HSDL2: variants seen among roughly 807,000 people sequenced by gnomAD.
HSDL2 encodes hydroxysteroid dehydrogenase like 2, also known as hydroxysteroid dehydrogenase-like protein 2.
HSDL2 carries 27 observed loss-of-function variants against 46.3 expected under a neutral mutation model. The observed-to-expected ratio is 0.58, with a 90% CI of 0.43 to 0.80. The LOEUF (loss-of-function observed/expected upper bound fraction) is 0.80. HSDL2 is among the 30% of genes least tolerant of loss of function. The pLI, the probability that HSDL2 is intolerant of heterozygous loss-of-function variation, is 0.00. For synonymous variants in HSDL2, 153 were observed against 163.6 expected (o/e 0.94, Z 0.50); for missense variants, 451 against 502.7 (o/e 0.90, Z 0.98).
At position 112,392,675 on chromosome 9, in the gene HSDL2, T is replaced by C. The variant is rs1831371611; in HGVS notation, c.18-11320T>C. ...TGACCCCACAGGCAGTCAGACCTTATGGTTGTCTTCCCTTGTTCCCTAAAA... is the reference window on the plus strand; with the variant it reads ...TGACCCCACAGGCAGTCAGACCTTACGGTTGTCTTCCCTTGTTCCCTAAAA... On this transcript the variant is annotated intron_variant, in intron 1 of 10. Transcript: ENST00000398805. 1.3e-5 allele frequency among the ~76,000 whole-genome samples: 2 copies of C among 152,224 alleles called. 1 individual carries two copies. Among genetic ancestry groups the C allele is most frequent in the African/African-American group, 4.8e-5 (2 of 41,456 alleles).
intron 4 of HSDL2, among the ~76,000 whole-genome samples, chr9:112,412,655 A>G (rs978956813): frequency 6.6e-6 from 1 of 152,252 alleles, no homozygotes; most frequent in Non-Finnish European, 1.5e-5. Context: ...TGATGTGTAC[A>G]TAAATGTATA....
At chr9:112,407,454 T>A (rs1831756977) in intron 3 of HSDL2, among the ~76,000 whole-genome samples, 1 of 152,188 alleles carries the variant, frequency 6.6e-6, no homozygotes, top group African/African-American at 2.4e-5. Flanking sequence ...TCTCACTCTG[T>A]CACCCAGACT....
intron 4 of HSDL2, among the ~76,000 whole-genome samples, chr9:112,410,801 T>C (rs1241305938): frequency 6.6e-6 from 1 of 152,142 alleles, no homozygotes; most frequent in Non-Finnish European, 1.5e-5. Flanking sequence ...GTGGCACACG[T>C]GCCTGTAGTC....
At chr9:112,460,973 T>C (rs1164501247) in intron 10 of HSDL2, among the ~76,000 whole-genome samples, 1 of 152,152 alleles carries the variant, frequency 6.6e-6, no homozygotes, top group African/African-American at 2.4e-5. Context: ...TAAATATACA[T>C]GTGTGCTTAT....
At chr9:112,381,002 G>A (rs1487760820) in intron 1 of HSDL2, among the ~76,000 whole-genome samples, 1 of 151,996 alleles carries the variant, frequency 6.6e-6, no homozygotes, top group Non-Finnish European at 1.5e-5. Flanking sequence ...GGTAAAAAGT[G>A]AGTCTCCCCA....
intron 8 of HSDL2, among the ~76,000 whole-genome samples, chr9:112,442,220 GATCGTGCCA>G (rs1832654045): frequency 7.5e-6 from 1 of 133,244 alleles, no homozygotes; most frequent in South Asian, 2.5e-4. Context: ...AGTGAGCCGT[GATCGTGCCA>G]CTGCACTCTA....
intron 6 of HSDL2, among the ~76,000 whole-genome samples, chr9:112,430,314 A>G (rs554051071): frequency 1.3e-5 from 2 of 152,332 alleles, no homozygotes; most frequent in African/African-American, 4.8e-5. Context: ...CCTGTGGACT[A>G]GTATGGCTGG....
At chr9:112,385,830 T>C (rs1831207352) in intron 1 of HSDL2, among the ~76,000 whole-genome samples, 1 of 152,040 alleles carries the variant, frequency 6.6e-6, no homozygotes, top group South Asian at 2.1e-4. Context: ...GGTTTCACCA[T>C]GTTGGCCAGG....
intron 8 of HSDL2, among the ~76,000 whole-genome samples, chr9:112,442,291 AAAAG>A (rs1489529080): frequency 0.06 from 8,435 of 139,494 alleles, 566 homozygotes; most frequent in East Asian, 0.096. Flanking sequence ...AAAAAAAAAA[AAAAG>A]AAGAAGTTAT....
intron 1 of HSDL2, among the ~76,000 whole-genome samples, chr9:112,399,580 A>T (rs1254219646): frequency 2.0e-5 from 3 of 152,136 alleles, no homozygotes; most frequent in African/African-American, 4.8e-5. Flanking sequence ...CTCACTCCTT[A>T]TCTCAACTGC....
intron 6 of HSDL2, among the ~76,000 whole-genome samples, chr9:112,423,030 GTC>G (rs1302435447): frequency 5.9e-5 from 9 of 152,186 alleles, no homozygotes; most frequent in Admixed American, 2.6e-4. Flanking sequence ...CTTGAGAAGA[GTC>G]TTGTAGAAAG....
intron 1 of HSDL2, among the ~76,000 whole-genome samples, chr9:112,385,366 T>A (rs895464020): frequency 6.6e-5 from 10 of 152,160 alleles, no homozygotes; most frequent in Admixed American, 5.9e-4. Context: ...TCTTGCTCTG[T>A]CGCCCAGGAT....
At chr9:112,400,885 C>T (rs1487686349) in intron 1 of HSDL2, among the ~76,000 whole-genome samples, 1 of 152,294 alleles carries the variant, frequency 6.6e-6, no homozygotes, top group Non-Finnish European at 1.5e-5. Flanking sequence ...TAGAAGGACA[C>T]CTGTCCGATT....
At chr9:112,423,364 G>A (rs552520928) in intron 6 of HSDL2, among the ~76,000 whole-genome samples, 3 of 152,174 alleles carry the variant, frequency 2.0e-5, no homozygotes, top group East Asian at 1.9e-4. Flanking sequence ...TTTTTGAGAC[G>A]GAGTTTCGTT....
At chr9:112,461,876 T>C (rs1424385798) in intron 10 of HSDL2, among the ~76,000 whole-genome samples, 5 of 152,262 alleles carry the variant, frequency 3.3e-5, no homozygotes, top group African/African-American at 7.2e-5. Context: ...GTTGAAATAA[T>C]AGGCTTTCTA....
At chr9:112,453,713 G>C (rs1258858501) in intron 8 of HSDL2, among the ~76,000 whole-genome samples, 1 of 152,044 alleles carries the variant, frequency 6.6e-6, no homozygotes. Context: ...AAAGTACTCA[G>C]ATTATAGAAG....
intron 8 of HSDL2, among the ~76,000 whole-genome samples, chr9:112,449,971 G>T (rs1232570274): frequency 6.6e-6 from 1 of 151,936 alleles, no homozygotes; most frequent in Non-Finnish European, 1.5e-5. Context: ...GGTTGCTTTT[G>T]TTCCTGTTCT....
At chr9:112,401,470 T>C (rs1399166241) in intron 1 of HSDL2, among the ~76,000 whole-genome samples, 1 of 127,224 alleles carries the variant, frequency 7.9e-6, no homozygotes. Context: ...AAAAAAAAAG[T>C]AGCAGAGAGC....
Position 112,467,408 on chromosome 9 carries a change from G to A in HSDL2, c.1145-3024G>A, listed in dbSNP as rs140707237. Among the ~76,000 whole-genome samples, 21 of 152,214 alleles carry A rather than the reference G, an allele frequency of 1.4e-4. No homozygotes were observed. In the East Asian group the frequency reaches 4.1e-3, roughly 29 times the overall value. ...GGTGGTTGCCAGAGTCTGGAGGCAG[G>A]GGGAGCTGCTAATGCTGAATCCCTG... On this transcript the variant is annotated intron_variant, in intron 10 of 10. Coordinates refer to ENST00000398805, the MANE Select transcript of HSDL2 (RefSeq NM_032303.5).
Sources: allele counts gnomAD v4.1 joint callset (sites outside exome capture counted in the v4.1 genomes callset), GRCh38; gene constraint gnomAD v4.1.1; transcripts MANE v1.5; gene names NCBI Gene and HGNC (gene_info 2026-07-23, HGNC 2026-07-21).